Variants in TPD52 observed in about 807,000 individuals in gnomAD.
TPD52 encodes prostate and colon associated protein.
A neutral mutation model predicts 31.3 loss-of-function variants in TPD52; 17 were observed. The ratio of observed to expected loss-of-function variants is 0.54; its 90% CI spans 0.37 to 0.82. The LOEUF is 0.82. Among genes scored for constraint, TPD52 ranks in the 40% least tolerant of loss-of-function variants. TPD52 has a pLI of 0.00. For missense variants in TPD52, 212 were observed against 240.1 expected, an observed-to-expected ratio of 0.88 and a Z score of 0.77; for synonymous variants, 83 against 89.6, an observed-to-expected ratio of 0.93 and a Z score of 0.42.
At chr8:80,164,503 T>C (rs367852018) in intron 1 of TPD52, among the ~76,000 whole-genome samples, 1 of 152,082 alleles carries the variant, frequency 6.6e-6, no homozygotes, top group East Asian at 1.9e-4. Flanking sequence ...GATTTAAACA[T>C]AAAAAATAAA....
chr8:80,171,546 C>G lies in TPD52; in HGVS notation c.-103G>C. 7.3e-7 allele frequency: 1 copy of G among 1,369,518 alleles called. No homozygotes were observed. Among genetic ancestry groups the G allele is most frequent in the Non-Finnish European group, 9.4e-7 (1 of 1,063,542 alleles). 84.8% of individuals were successfully genotyped at this position (1,369,518 alleles called of 1,614,324 possible). A position where few individuals can be genotyped will look rare whatever the true frequency, so the allele number is the denominator to read the frequency against. Reference sequence around the variant, plus strand: ...GCGCAGAGCTCCTCCTCGCCTCCGCCGGCGACTCCCGCGAAGTCCCCACCC... The same window carrying G: ...GCGCAGAGCTCCTCCTCGCCTCCGCGGGCGACTCCCGCGAAGTCCCCACCC... On this transcript the variant is annotated 5_prime_UTR_variant, in exon 1 of 8. Coordinates refer to ENST00000518937, the MANE Select transcript of TPD52 (RefSeq NM_001025253.3).
At position 80,044,164 on chromosome 8, in the gene TPD52, T is replaced by C. The variant is rs752821469; in HGVS notation, c.455+3A>G. 6.3e-7 allele frequency: 1 copy of C among 1,584,206 alleles called. No individual in the cohort carries two copies. The highest frequency in any genetic ancestry group is 8.6e-7 in the Non-Finnish European group (1 of 1,168,676). ...AACTACATTTCATAAAAATATACTTTACCTCATAGCAGGCATGCTAATTGA... is the reference window on the plus strand; with the variant it reads ...AACTACATTTCATAAAAATATACTTCACCTCATAGCAGGCATGCTAATTGA... On this transcript the variant is annotated splice_donor_region_variant and intron_variant, in intron 6 of 7. Transcript: ENST00000518937.
intron 1 of TPD52, among the ~76,000 whole-genome samples, chr8:80,091,196 C>G (rs753448409): frequency 6.6e-6 from 1 of 152,172 alleles, no homozygotes; most frequent in African/African-American, 2.4e-5. Context: ...AGAGGCTGGG[C>G]GCAGTGGCTC....
At chr8:80,054,478 A>C (rs538419789) in intron 2 of TPD52, among the ~76,000 whole-genome samples, 2 of 152,248 alleles carry the variant, frequency 1.3e-5, no homozygotes, top group East Asian at 3.9e-4. Flanking sequence ...AGGTCCCAGG[A>C]AATTGAAAAT....
At chr8:80,039,689 CATCTCT>C (rs1325570470) in intron 7 of TPD52, among the ~76,000 whole-genome samples, 1 of 152,198 alleles carries the variant, frequency 6.6e-6, no homozygotes, top group East Asian at 1.9e-4. Context: ...GTGGCCTACA[CATCTCT>C]CTAGCTTCAC....
chr8:80,051,585 C>T lies in TPD52; in HGVS notation c.328G>A (p.Ala110Thr). The T allele has an allele frequency of 6.2e-7, 1 of 1,613,388 alleles. No individual in the cohort carries two copies. Among genetic ancestry groups the T allele is most frequent in the South Asian group, 1.1e-5 (1 of 91,018 alleles). The stretch of plus-strand genomic sequence containing the variant: ...CCAACAGACGAAAAAGCAGCTGAGG[C>T]CTTCTGTCCAGCCTGGGATAAGGTT... ...SETLSQAGQKASAAFSSVGSV... is the reference protein window; with the variant it reads ...SETLSQAGQKTSAAFSSVGSV... The change falls in exon 4 of 8, where the codon GCC becomes ACC. Residue 110 changes from alanine to threonine, a missense_variant. Coordinates refer to ENST00000518937, the MANE Select transcript of TPD52 (RefSeq NM_001025253.3).
intron 1 of TPD52, among the ~76,000 whole-genome samples, chr8:80,132,477 G>A (rs1809088947): frequency 6.6e-6 from 1 of 152,118 alleles, no homozygotes; most frequent in Non-Finnish European, 1.5e-5. Flanking sequence ...CAAAGGGCTA[G>A]GATTACAGGT....
intron 5 of TPD52, among the ~76,000 whole-genome samples, chr8:80,045,007 G>A (rs1810706198): frequency 6.6e-6 from 1 of 152,280 alleles, no homozygotes; most frequent in South Asian, 2.1e-4. Context: ...ATTAATATCT[G>A]ATAACATGGA....
chr8:80,159,432 T>C (rs1237197158), intron 1 of TPD52, among the ~76,000 whole-genome samples: 2 of 152,258 alleles, frequency 1.3e-5, no homozygotes, highest in Non-Finnish European at 2.9e-5. Flanking sequence ...AACAACACCT[T>C]TGCAAGGAAA....
intron 1 of TPD52, among the ~76,000 whole-genome samples, chr8:80,066,276 C>G (rs1376123423): frequency 1.3e-5 from 2 of 152,192 alleles, no homozygotes; most frequent in Non-Finnish European, 2.9e-5. Flanking sequence ...TGTACACTCA[C>G]TGATTAATAG....
At chr8:80,153,295 G>A (rs897660351) in intron 1 of TPD52, among the ~76,000 whole-genome samples, 4 of 152,200 alleles carry the variant, frequency 2.6e-5, no homozygotes, top group Non-Finnish European at 4.4e-5. Flanking sequence ...TCCAAGACAC[G>A]GGGCCCGCAC....
chr8:80,159,132 T>C (rs2052712), intron 1 of TPD52, among the ~76,000 whole-genome samples: 68,100 of 151,824 alleles, frequency 0.45, 15,478 homozygotes, highest in East Asian at 0.71. Flanking sequence ...ATATTCAGTT[T>C]CAAAAATCAG....
intron 1 of TPD52, among the ~76,000 whole-genome samples, chr8:80,070,238 C>A (rs979508069): frequency 9.2e-5 from 14 of 152,102 alleles, no homozygotes; most frequent in African/African-American, 3.1e-4. Flanking sequence ...AAATGGTTAT[C>A]TTCCCTCTAG....
intron 1 of TPD52, among the ~76,000 whole-genome samples, chr8:80,136,179 T>TAAAAAAAAA (rs796723826): frequency 2.5e-5 from 3 of 121,484 alleles, no homozygotes; most frequent in Non-Finnish European, 5.1e-5. Flanking sequence ...GTCTTTGAGG[T>TAAAAAAAAA]TAAAAAAAAA....
At chr8:80,098,618 G>A (rs1806505742) in intron 1 of TPD52, among the ~76,000 whole-genome samples, 1 of 152,224 alleles carries the variant, frequency 6.6e-6, no homozygotes, top group Admixed American at 6.5e-5. Flanking sequence ...GGGATAAGGA[G>A]TTGCTTCTTA....
At chr8:80,149,761 G>A (rs193287058) in intron 1 of TPD52, among the ~76,000 whole-genome samples, 165 of 152,346 alleles carry the variant, frequency 1.1e-3, no homozygotes, top group Middle Eastern at 3.4e-3. Context: ...TTTTGCCCTA[G>A]AGATAATGGT....
intron 1 of TPD52, among the ~76,000 whole-genome samples, chr8:80,120,521 T>C (rs1028236767): frequency 6.6e-6 from 1 of 152,094 alleles, no homozygotes; most frequent in Non-Finnish European, 1.5e-5. Context: ...ATGGATGGAT[T>C]GAATGACAGG....
chr8:80,117,594 CA>C (rs746850722), intron 1 of TPD52, among the ~76,000 whole-genome samples: 11 of 152,130 alleles, frequency 7.2e-5, no homozygotes, highest in Non-Finnish European at 1.5e-4. Flanking sequence ...TAATGCCTAT[CA>C]AAATCCCAGC....
At chr8:80,144,127 T>A (rs1175724762) in intron 1 of TPD52, among the ~76,000 whole-genome samples, 1 of 152,228 alleles carries the variant, frequency 6.6e-6, no homozygotes, top group African/African-American at 2.4e-5. Flanking sequence ...AACTTTCACC[T>A]TCTTCAAATG....
Sources: allele counts gnomAD v4.1 joint callset (sites outside exome capture counted in the v4.1 genomes callset), GRCh38; gene constraint gnomAD v4.1.1; transcripts MANE v1.5; gene names NCBI Gene and HGNC (gene_info 2026-07-23, HGNC 2026-07-21).